The following ALMS1 variants were observed in gnomAD, a reference collection of about 807,000 sequenced individuals.
ALMS1 encodes the protein ALMS1 centrosome and basal body associated protein.
In ALMS1, 271 loss-of-function variants were observed where a neutral mutation model predicts 352.2. That is an observed-to-expected ratio of 0.77 (90% CI 0.70 to 0.85). ALMS1 has a LOEUF of 0.85. ALMS1 is among the 40% of genes least tolerant of loss of function. ALMS1 has a pLI of 0.00. For synonymous variants in ALMS1, 1,865 were observed against 1,761.2 expected, an observed-to-expected ratio of 1.06 and a Z score of -1.48; for missense variants, 5,445 against 4,870.7, an observed-to-expected ratio of 1.12 and a Z score of -3.51.
intron 12 of ALMS1, among the ~76,000 whole-genome samples, chr2:73,538,836 G>A (rs1315823888): frequency 6.6e-6 from 1 of 152,234 alleles, no homozygotes; most frequent in East Asian, 1.9e-4. Flanking sequence ...GAGGCTGGGG[G>A]ATGGGCGCCC....
chr2:73,419,371 C>T (rs909192660), intron 3 of ALMS1, 53 bp downstream of exon 3: 22 of 1,554,058 alleles, frequency 1.4e-5, no homozygotes, highest in East Asian at 6.7e-5. Flanking sequence ...GTAAGTTTTG[C>T]GGGGACTGCA....
intron 9 of ALMS1, among the ~76,000 whole-genome samples, chr2:73,472,248 A>G (rs1167635303): frequency 6.6e-6 from 1 of 152,050 alleles, no homozygotes; most frequent in South Asian, 2.1e-4. Flanking sequence ...AGATAGTTCA[A>G]TATTGGGAAA....
chr2:73,480,233 C>A (rs1013972760), intron 9 of ALMS1, among the ~76,000 whole-genome samples: 36 of 152,152 alleles, frequency 2.4e-4, no homozygotes, highest in African/African-American at 5.5e-4. Flanking sequence ...CCACTCCCCC[C>A]ACCCCACCAC....
intron 1 of ALMS1, among the ~76,000 whole-genome samples, chr2:73,396,700 A>T (rs1248830861): frequency 1.4e-5 from 2 of 147,436 alleles, no homozygotes; most frequent in African/African-American, 5.1e-5. Flanking sequence ...CTGGGGGTGC[A>T]GTGGCGCGAT....
chr2:73,425,031 C>A, intron 5 of ALMS1, 129 bp downstream of exon 5: 1 of 702,906 alleles, frequency 1.4e-6, no homozygotes. Context: ...TTTGCACCAC[C>A]CAGAAACGTG....
chr2:73,491,252 C>T lies in ALMS1; in HGVS notation c.9293C>T (p.Thr3098Ile), dbSNP rs1553409866. Residue 3098 changes from threonine (T) to isoleucine (I), a missense_variant, in exon 10 of 23, where the codon ACC (threonine) becomes ATC (isoleucine). By Grantham distance (89) the Thr-to-Ile change is moderately conservative (BLOSUM62 -1). Coordinates refer to ENST00000613296, the MANE Select transcript of ALMS1 (RefSeq NM_001378454.1). ...HTVSSRSLEP[T>I]SKLLTSKPVA... ...GTATCTTCGAGATCACTGGAACCAA[C>T]CTCCAAATTATTGACCAGTAAACCT... 1.2e-6 allele frequency: 2 copies of T among 1,614,070 alleles called. No homozygotes were observed. The highest frequency in any genetic ancestry group is 2.2e-5 in the East Asian group (1 of 44,874).
chr2:73,441,460 C>G (rs1671716588), intron 7 of ALMS1, among the ~76,000 whole-genome samples: 1 of 152,138 alleles, frequency 6.6e-6, no homozygotes, highest in Non-Finnish European at 1.5e-5. Context: ...TGGTGCAAGC[C>G]TACCTGTTGC....
At chr2:73,462,606 A>G (rs1023504745) in intron 9 of ALMS1, among the ~76,000 whole-genome samples, 1 of 152,224 alleles carries the variant, frequency 6.6e-6, no homozygotes, top group African/African-American at 2.4e-5. Flanking sequence ...ACACATAACA[A>G]TATTAACTTT....
Position 73,489,697 on chromosome 2 carries a change from G to T in ALMS1, c.7738G>T (p.Glu2580Ter). ...PEAVCSHIII[E>*]SHEKGCFRTL... ...AGCTGTATGTAGTCACATTATTATT[G>T]AGAGCCATGAAAAGGGATGTTTCCG... is the stretch of plus-strand genomic sequence containing the variant. Residue 2580 changes from glutamate (E) to a stop codon, truncating the protein, a stop_gained, in exon 10 of 23, where the codon GAG (glutamate) becomes TAG (stop). Coordinates refer to ENST00000613296, the MANE Select transcript of ALMS1 (RefSeq NM_001378454.1). LOFTEE classifies it high-confidence loss of function. The T allele has an allele frequency of 6.2e-7, 1 of 1,614,060 alleles. No homozygotes were observed. Among genetic ancestry groups the T allele is most frequent in the Non-Finnish European group, 8.5e-7 (1 of 1,180,028 alleles).
intron 10 of ALMS1, among the ~76,000 whole-genome samples, chr2:73,500,066 G>A (rs1315041837): frequency 2.0e-5 from 3 of 152,304 alleles, no homozygotes; most frequent in African/African-American, 7.2e-5. Flanking sequence ...CTTAATAGCA[G>A]TGCAAACAGA....
chr2:73,389,815 G>A (rs922605599), intron 1 of ALMS1, among the ~76,000 whole-genome samples: 1 of 151,762 alleles, frequency 6.6e-6, no homozygotes, highest in Non-Finnish European at 1.5e-5. Flanking sequence ...TCAGCCTCCC[G>A]AGTAGCTGGG....
At chr2:73,484,924 A>C (rs1187913683) in intron 9 of ALMS1, among the ~76,000 whole-genome samples, 1 of 152,156 alleles carries the variant, frequency 6.6e-6, no homozygotes, top group Non-Finnish European at 1.5e-5. Context: ...TTTCAGCTCC[A>C]TCAGCTCCTT....
chr2:73,607,513 C>G (rs900178292), intron 21 of ALMS1, among the ~76,000 whole-genome samples: 1 of 152,144 alleles, frequency 6.6e-6, no homozygotes, highest in Non-Finnish European at 1.5e-5. Context: ...TGTTTCCCAC[C>G]TATTCCTTTA....
At chr2:73,586,921 C>A (rs1185981026) in intron 16 of ALMS1, among the ~76,000 whole-genome samples, 1 of 152,124 alleles carries the variant, frequency 6.6e-6, no homozygotes, top group Non-Finnish European at 1.5e-5. Context: ...TCAATGATTT[C>A]TTTCAGCAGT....
intron 11 of ALMS1, among the ~76,000 whole-genome samples, chr2:73,526,277 A>G (rs911717724): frequency 2.0e-5 from 3 of 152,164 alleles, no homozygotes; most frequent in African/African-American, 7.2e-5. Flanking sequence ...TTGTGGTTCC[A>G]TATAAATTTT....
At chr2:73,492,597 G>A (rs1673013835) in intron 10 of ALMS1, among the ~76,000 whole-genome samples, 1 of 152,160 alleles carries the variant, frequency 6.6e-6, no homozygotes, top group Non-Finnish European at 1.5e-5. Flanking sequence ...GCACTCATAT[G>A]TAGAAGGAAA....
Position 73,573,355 on chromosome 2 carries a change from C to G in ALMS1, c.11478C>G (p.His3826Gln). 1.2e-6 allele frequency: 2 copies of G among 1,614,110 alleles called. No homozygotes were observed. Among genetic ancestry groups the G allele is most frequent in the South Asian group, 1.1e-5 (1 of 91,082 alleles). ...GATACCTTGAGAAGCGGAGCAAACA[C>G]AGCAAGAAAGTGCTGAATACAGGTC... ...QRRYLEKRSK[H>Q]SKKVLNTGHP... The change falls in exon 16 of 23, where the codon CAC becomes CAG. Residue 3826 changes from histidine to glutamine, a missense_variant. Transcript: ENST00000613296.
chr2:73,492,250 A>G (rs969547153), intron 10 of ALMS1, among the ~76,000 whole-genome samples: 2 of 152,208 alleles, frequency 1.3e-5, no homozygotes, highest in African/African-American at 4.8e-5. Flanking sequence ...GAGGCATCGT[A>G]CCACAGTGGA....
rs1573030103 is a variant in ALMS1, at chr2:73,572,454, T to G, written c.10577T>G (p.Met3526Arg). The change falls in exon 16 of 23, where the codon ATG becomes AGG. Residue 3526 changes from methionine to arginine, a missense_variant. Coordinates refer to ENST00000613296, the MANE Select transcript of ALMS1 (RefSeq NM_001378454.1). ...QHHPDKHREH[M>R]CLPLPYQNMD... Reference sequence around the variant, plus strand: ...CATCCAGACAAACATAGAGAACACATGTGTCTTCCTCTTCCTTATCAAAAC... The same window carrying G: ...CATCCAGACAAACATAGAGAACACAGGTGTCTTCCTCTTCCTTATCAAAAC... 19 of 1,613,824 alleles carry G rather than the reference T, an allele frequency of 1.2e-5. No homozygotes were observed. The East Asian group carries it at 4.2e-4, about 36-fold the overall frequency.
Sources: allele counts gnomAD v4.1 joint callset (sites outside exome capture counted in the v4.1 genomes callset), GRCh38; gene constraint gnomAD v4.1.1; transcripts MANE v1.5; gene names NCBI Gene and HGNC (gene_info 2026-07-23, HGNC 2026-07-21).